Variants in HERC2 observed in about 807,000 individuals in gnomAD.
The protein encoded by HERC2 is E3 ubiquitin-protein ligase HERC2.
A neutral mutation model predicts 537.7 loss-of-function variants in HERC2; 102 were observed. The ratio of observed to expected loss-of-function variants is 0.19; its 90% confidence interval spans 0.16 to 0.22. The LOEUF is 0.22. HERC2 is among the 10% of genes least tolerant of loss of function. The probability of loss-of-function intolerance (pLI) is 1.00; values close to 1 mark genes in which losing one functional copy is unlikely to be tolerated. For missense variants in HERC2, 4,236 were observed against 6,198.2 expected, an observed-to-expected ratio of 0.68 and a Z score of 10.63; for synonymous variants, 2,224 against 2,466.2, an observed-to-expected ratio of 0.90 and a Z score of 2.91.
At chr15:28,145,780 T>A (rs12901047) in intron 71 of HERC2, among the ~76,000 whole-genome samples, 126,393 of 152,200 alleles carry the variant, frequency 0.83, 56,329 homozygotes, top group Non-Finnish European at 0.98. Flanking sequence ...CCAAAGACGG[T>A]CCTGACCTGT....
chr15:28,163,620 C>T (rs145472930), intron 68 of HERC2, among the ~76,000 whole-genome samples: 151 of 152,246 alleles, frequency 9.9e-4, no homozygotes, highest in African/African-American at 3.5e-3. Context: ...GAAGCTGCAT[C>T]CTGTATAATC....
chr15:28,188,512 C>G (rs1008047556), intron 55 of HERC2, among the ~76,000 whole-genome samples: 13 of 151,006 alleles, frequency 8.6e-5, no homozygotes, highest in African/African-American at 2.9e-4. Context: ...CCACTGCACT[C>G]CAGCCTGGGT....
At chr15:28,142,501 T>C in intron 75 of HERC2, 108 bp from the exon 76 acceptor site, 4 of 1,153,494 alleles carry the variant, frequency 3.5e-6, no homozygotes, top group Non-Finnish European at 4.9e-6. Context: ...ATGACGGCCA[T>C]GGGCACAGCA....
chr15:28,291,236 T>A (rs2076302423), intron 4 of HERC2, among the ~76,000 whole-genome samples: 2 of 151,530 alleles, frequency 1.3e-5, no homozygotes, highest in Non-Finnish European at 2.9e-5. Context: ...CAAATACGAA[T>A]TTTTTTTTAA....
Position 28,125,141 on chromosome 15 carries a change from G to A in HERC2, c.12855C>T (p.Thr4285=), listed in dbSNP as rs375491831. 2.5e-6 allele frequency: 4 copies of A among 1,613,936 alleles called. No individual in the cohort carries two copies. The African/African-American group carries it at 5.3e-5, about 22-fold the overall frequency. The change falls in exon 84 of 93, where the codon ACC becomes ACT. Residue 4285 remains threonine (T), a synonymous_variant. Coordinates refer to ENST00000261609, the MANE Select transcript of HERC2 (RefSeq NM_004667.6). The part of the protein sequence containing the change: ...DNDEGQLGDG[T]TNAIQRPRLV... ...ACCGAGGCCTCTGGATGGCATTGGT[G>A]GTTCCGTCTCCCAGTTGTCCCTCAT...
chr15:28,310,321 T>C (rs2076906989), intron 2 of HERC2, among the ~76,000 whole-genome samples: 1 of 152,126 alleles, frequency 6.6e-6, no homozygotes, highest in African/African-American at 2.4e-5. Flanking sequence ...GTGGCGCGCC[T>C]GTACTCCCAG....
rs548371366 is a variant in HERC2, at chr15:28,303,118, T to C, written c.73-3602A>G. 3.9e-3 allele frequency among the ~76,000 whole-genome samples: 595 copies of C among 151,226 alleles called. 2 individuals are homozygous for C. The highest frequency in any genetic ancestry group is 5.8e-3 in the Non-Finnish European group (390 of 67,774). ...GGAGAGTCTCCCCAATGTTTTCTTT[T>C]AGCACTTTCATAGTCTGAAGTCTTA... On this transcript the variant is annotated intron_variant, in intron 2 of 92. Transcript: ENST00000261609.
Position 28,198,328 on chromosome 15 carries a change from G to A in HERC2, c.8011+50C>T, listed in dbSNP as rs181883010. On this transcript the variant is annotated intron_variant, in intron 50 of 92. Transcript: ENST00000261609. Reference sequence around the variant, plus strand: ...ACAAAAAGAAATACTAAGTACACATGCGTTAATGAAAAGTTAACATCAGGA... The same window carrying A: ...ACAAAAAGAAATACTAAGTACACATACGTTAATGAAAAGTTAACATCAGGA... 654 of 1,578,294 alleles carry A rather than the reference G, an allele frequency of 4.1e-4. 1 individual carries two copies. The East Asian group carries it at 9.3e-3, about 22-fold the overall frequency.
intron 56 of HERC2, among the ~76,000 whole-genome samples, chr15:28,185,195 G>C (rs1210947089): frequency 2.0e-5 from 3 of 147,802 alleles, no homozygotes; most frequent in Non-Finnish European, 2.9e-5. Flanking sequence ...AGAATAACCT[G>C]ATTTATTACC....
chr15:28,132,735 G>A lies in HERC2; in HGVS notation c.12326C>T (p.Ala4109Val), dbSNP rs778758460. Reference protein sequence around the residue: ...GGAHSACVTAAGDLYTWGKGR... With the variant: ...GGAHSACVTAVGDLYTWGKGR... ...TTTGCCCCATGTGTAGAGGTCCCCG[G>A]CTGCTGTGACACAGGCGCTGTGGGC... Residue 4109 changes from alanine to valine, a missense_variant, in exon 80 of 93, where the codon GCC becomes GTC. By Grantham distance (64) the Ala-to-Val change is moderately conservative. Around this residue, in one of 27 missense-constraint regions of HERC2, gnomAD observed 94 missense variants for 137.4 expected, o/e 0.68. Coordinates refer to ENST00000261609, the MANE Select transcript of HERC2 (RefSeq NM_004667.6). 5 of 1,609,012 alleles carry A rather than the reference G, an allele frequency of 3.1e-6. No homozygotes were observed. In the Admixed American group the frequency reaches 5.1e-5, roughly 16 times the overall value.
At chr15:28,233,827 G>A in intron 27 of HERC2, 31 bp from the exon 28 acceptor site, 1 of 1,611,284 alleles carries the variant, frequency 6.2e-7, no homozygotes, top group South Asian at 1.1e-5. Context: ...AGTAACTTCA[G>A]AGCCACCCAG....
chr15:28,167,969 GC>G, intron 67 of HERC2, 142 bp from the exon 68 acceptor site: 1 of 923,702 alleles, frequency 1.1e-6, no homozygotes, highest in Non-Finnish European at 1.6e-6. Flanking sequence ...GTAACATGGT[GC>G]CCACCAGACA....
In HERC2 at chr15:28,218,471, C is replaced by T; in HGVS notation, c.6028+18G>A. The T allele has an allele frequency of 1.3e-6, 2 of 1,585,186 alleles. No individual in the cohort carries two copies. Among genetic ancestry groups the T allele is most frequent in the South Asian group, 2.2e-5 (2 of 90,740 alleles). ...CCCCAGCGCTGACTCCCTGGGCCCTCGATCTCTCATTCCATACATGTCTTG... is the reference window on the plus strand; with the variant it reads ...CCCCAGCGCTGACTCCCTGGGCCCTTGATCTCTCATTCCATACATGTCTTG... On this transcript the variant is annotated intron_variant, in intron 38 of 92. Transcript: ENST00000261609.
At chr15:28,167,649 A>G in intron 68 of HERC2, 38 bp downstream of exon 68, 1 of 1,610,102 alleles carries the variant, frequency 6.2e-7, no homozygotes, top group Non-Finnish European at 8.5e-7. Flanking sequence ...ATTTAAGATT[A>G]TTTCACAATA....
chr15:28,308,598 T>A (rs1361875907), intron 2 of HERC2, among the ~76,000 whole-genome samples: 1 of 152,244 alleles, frequency 6.6e-6, no homozygotes, highest in African/African-American at 2.4e-5. Flanking sequence ...TGAATAACAG[T>A]GGCCACACTG....
intron 65 of HERC2, 77 bp from the exon 66 acceptor site, chr15:28,169,732 G>T: frequency 7.0e-7 from 1 of 1,431,544 alleles, no homozygotes; most frequent in South Asian, 1.3e-5. Context: ...GACCTTACAG[G>T]TTAGTTCCAA....
rs1350325645 is a variant in HERC2 at position 28,152,753 on chromosome 15, A to G, written c.10824T>C (p.Ser3608=). 6 of 1,552,512 alleles carry G rather than the reference A, an allele frequency of 3.9e-6. No individual in the cohort carries two copies. The part of the protein sequence containing the change: ...VATDSQSGRL[S]SQPVVVESSH... Reference sequence around the variant, plus strand: ...TACTCTCCACCACCACAGGCTGAGAAGAGAGGCGGCCGCTCTGCGAGTCTG... The same window carrying G: ...TACTCTCCACCACCACAGGCTGAGAGGAGAGGCGGCCGCTCTGCGAGTCTG... Residue 3608 remains serine (S), a synonymous_variant, in exon 70 of 93, where the codon TCT becomes TCC. Coordinates refer to ENST00000261609, the MANE Select transcript of HERC2 (RefSeq NM_004667.6).
chr15:28,238,452 T>C, intron 24 of HERC2, 150 bp downstream of exon 24: 1 of 714,350 alleles, frequency 1.4e-6, no homozygotes, highest in Non-Finnish European at 2.4e-6. Context: ...ATGTGCTGAA[T>C]TTGTTGATAA....
chr15:28,257,274 G>T lies in HERC2; in HGVS notation c.2317-13C>A. ...ACCAAGCAAAGCTCTAAGAGGAAACGCAACAATCTAAAATGAATCTCCAAA... is the reference window on the plus strand; with the variant it reads ...ACCAAGCAAAGCTCTAAGAGGAAACTCAACAATCTAAAATGAATCTCCAAA... On this transcript the variant is annotated splice_polypyrimidine_tract_variant and intron_variant, in intron 16 of 92. Coordinates refer to ENST00000261609, the MANE Select transcript of HERC2 (RefSeq NM_004667.6). The T allele has an allele frequency of 6.2e-7, 1 of 1,610,640 alleles. No homozygotes were observed. Among genetic ancestry groups the T allele is most frequent in the Non-Finnish European group, 8.5e-7 (1 of 1,177,374 alleles).
Sources: allele counts gnomAD v4.1 joint callset (sites outside exome capture counted in the v4.1 genomes callset), GRCh38; gene constraint gnomAD v4.1.1; regional missense constraint gnomAD v4.1.1; transcripts MANE v1.5; gene names NCBI Gene and HGNC (gene_info 2026-07-23, HGNC 2026-07-21).